FGF13: variants seen among roughly 807,000 people sequenced by gnomAD.
FGF13 encodes fibroblast growth factor homologous factor 2.
FGF13 carries 2 observed loss-of-function variants against 19.5 expected under a neutral mutation model. The observed-to-expected ratio is 0.10, with a 90% confidence interval of 0.04 to 0.32. The LOEUF is 0.32. Ranked by LOEUF, FGF13 falls within the 10% of genes least tolerant of loss-of-function variation. The pLI, the probability that FGF13 is intolerant of heterozygous loss-of-function variation, is 1.00. For missense variants in FGF13, 113 were observed against 192.7 expected (o/e 0.59, Z 2.45); for synonymous variants, 72 against 76.9 (o/e 0.94, Z 0.33).
At chrX:138,730,166 G>A (rs751820323) in intron 1 of FGF13, among the ~76,000 whole-genome samples, 92 of 110,275 alleles carry the variant, frequency 8.3e-4, no homozygotes, top group African/African-American at 2.9e-3. Context: ...AAAACAATGT[G>A]TGCATGTCCA....
At chrX:138,901,863 G>A (rs996821430) in intron 1 of FGF13, among the ~76,000 whole-genome samples, 6 of 112,029 alleles carry the variant, frequency 5.4e-5, no homozygotes, top group African/African-American at 1.6e-4. Context: ...AGAAAAAAAC[G>A]GCAAGCAAAG....
intron 1 of FGF13, among the ~76,000 whole-genome samples, chrX:139,031,521 T>C (rs1374099064): frequency 9.0e-6 from 1 of 111,205 alleles, no homozygotes; most frequent in Non-Finnish European, 1.9e-5. Flanking sequence ...GCAATATCAT[T>C]ACTCCCATTT....
intron 1 of FGF13, among the ~76,000 whole-genome samples, chrX:139,145,801 G>A (rs1017495191): frequency 9.0e-6 from 1 of 111,469 alleles, no homozygotes; most frequent in Non-Finnish European, 1.9e-5. Flanking sequence ...TTAAGCTATT[G>A]TTTCTTCAAC....
intron 3 of FGF13, among the ~76,000 whole-genome samples, chrX:138,762,765 G>A (rs2090476768): frequency 8.9e-6 from 1 of 112,059 alleles, no homozygotes; most frequent in African/African-American, 3.2e-5. Context: ...AGAAGTAAAT[G>A]AGATCATGCA....
chrX:139,133,320 A>G (rs956559206), intron 1 of FGF13, among the ~76,000 whole-genome samples: 1 of 101,784 alleles, frequency 9.8e-6, no homozygotes, highest in Non-Finnish European at 2.0e-5. Flanking sequence ...GAGGAGGCTC[A>G]GTAAACTCAA....
chrX:138,809,362 A>C (rs1393323418), intron 3 of FGF13, among the ~76,000 whole-genome samples: 2 of 112,128 alleles, frequency 1.8e-5, no homozygotes, highest in Non-Finnish European at 3.8e-5. Flanking sequence ...TTATCTCAAT[A>C]GATGCAGAAA....
intron 1 of FGF13, among the ~76,000 whole-genome samples, chrX:138,940,174 T>C (rs1033573276): frequency 3.6e-5 from 4 of 111,987 alleles, no homozygotes; most frequent in Admixed American, 9.5e-5. Flanking sequence ...TGATTAGTGA[T>C]GGTGAGCTTT....
At chrX:139,152,622 G>A (rs949026074) in intron 1 of FGF13, among the ~76,000 whole-genome samples, 2 of 110,938 alleles carry the variant, frequency 1.8e-5, no homozygotes, top group Non-Finnish European at 3.8e-5. Flanking sequence ...TCCCCAGTCT[G>A]AATGCCTACT....
At chrX:138,705,378 A>C in intron 2 of FGF13, among the ~76,000 whole-genome samples, 1 of 111,831 alleles carries the variant, frequency 8.9e-6, no homozygotes, top group Non-Finnish European at 1.9e-5. Context: ...ATGAGCAATG[A>C]AATGTCTAAA....
intron 3 of FGF13, among the ~76,000 whole-genome samples, chrX:138,696,379 G>A (rs1015417137): frequency 7.1e-5 from 8 of 111,936 alleles, no homozygotes; most frequent in Admixed American, 9.5e-5. Context: ...TTCATTTAGC[G>A]TGATAAAAGT....
intron 1 of FGF13, among the ~76,000 whole-genome samples, chrX:138,736,703 C>T (rs552483769): frequency 9.1e-6 from 1 of 110,424 alleles, no homozygotes; most frequent in East Asian, 2.9e-4. Flanking sequence ...AACAAATATA[C>T]TGTTTTATAT....
chrX:138,918,673 G>A, intron 1 of FGF13, among the ~76,000 whole-genome samples: 1 of 111,549 alleles, frequency 9.0e-6, no homozygotes, highest in Admixed American at 9.6e-5. Flanking sequence ...GGGGGACACA[G>A]GTGAGTAAAC....
intron 3 of FGF13, among the ~76,000 whole-genome samples, chrX:138,758,754 A>C (rs750301068): frequency 8.9e-6 from 1 of 112,529 alleles, no homozygotes; most frequent in Admixed American, 9.4e-5. Context: ...ATCCTTGTTA[A>C]AGGACACAGC....
chrX:138,960,942 G>A (rs191156904), intron 1 of FGF13, among the ~76,000 whole-genome samples: 81 of 111,287 alleles, frequency 7.3e-4, no homozygotes, highest in Admixed American at 1.1e-3. Context: ...GCTTCCTGGC[G>A]ATGAGTTCGA....
chrX:138,852,046 C>T (rs1382608836), intron 3 of FGF13, among the ~76,000 whole-genome samples: 1 of 111,468 alleles, frequency 9.0e-6, no homozygotes, highest in African/African-American at 3.3e-5. Context: ...AACTATAAAC[C>T]ACTGCTCAAA....
At chrX:138,649,433 A>T (rs1373010235) in intron 3 of FGF13, among the ~76,000 whole-genome samples, 1 of 111,820 alleles carries the variant, frequency 8.9e-6, no homozygotes, top group Admixed American at 9.5e-5. Context: ...AAATAAACAC[A>T]GTCAGTTGAT....
intron 3 of FGF13, among the ~76,000 whole-genome samples, chrX:138,645,746 G>A (rs2089300337): frequency 8.9e-6 from 1 of 112,279 alleles, no homozygotes. Context: ...ATTTCTGTGA[G>A]GGGCTAATGC....
chrX:138,810,430 T>C lies in FGF13; in HGVS notation c.217+47082A>G, dbSNP rs774224102. Among the ~76,000 whole-genome samples, 11 of 111,464 alleles carry C rather than the reference T, an allele frequency of 9.9e-5. No homozygotes were observed. In the South Asian group the frequency reaches 3.4e-3, roughly 35 times the overall value. ...AACTGGATCCCTTCCTTACACCTTA[T>C]ACAAAAATTAATTCAAGATGGATTA... On this transcript the variant is annotated intron_variant, in intron 3 of 6. Transcript: ENST00000436198.
At chrX:139,048,360 C>T (rs950485232) in intron 1 of FGF13, among the ~76,000 whole-genome samples, 4 of 111,214 alleles carry the variant, frequency 3.6e-5, no homozygotes, top group African/African-American at 9.8e-5. Flanking sequence ...CTCTCATTTA[C>T]ATTAAATTTC....
Sources: allele counts gnomAD v4.1 joint callset (sites outside exome capture counted in the v4.1 genomes callset), GRCh38; gene constraint gnomAD v4.1.1; transcripts MANE v1.5; gene names NCBI Gene and HGNC (gene_info 2026-07-23, HGNC 2026-07-21).